Variants in HPCAL1 observed in about 807,000 individuals in gnomAD.
HPCAL1 encodes the protein hippocalcin like 1.
A neutral mutation model predicts 17.1 loss-of-function variants in HPCAL1; 8 were observed. The ratio of observed to expected loss-of-function variants is 0.47; its 90% CI spans 0.27 to 0.84. HPCAL1 has a LOEUF of 0.84. Ranked by LOEUF, HPCAL1 falls within the 40% of genes least tolerant of loss-of-function variation. HPCAL1 has a pLI of 0.13. For synonymous variants in HPCAL1, 112 were observed against 111.4 expected (o/e 1.01, Z -0.03); for missense variants, 165 against 271.1 (o/e 0.61, Z 2.75).
intron 1 of HPCAL1, among the ~76,000 whole-genome samples, chr2:10,316,539 A>C (rs1363733297): frequency 6.6e-6 from 1 of 152,188 alleles, no homozygotes; most frequent in Admixed American, 6.5e-5. Flanking sequence ...CTTCCCTCCA[A>C]AGGCTTCTTA....
At chr2:10,317,983 C>A (rs1663427574) in intron 1 of HPCAL1, among the ~76,000 whole-genome samples, 1 of 152,202 alleles carries the variant, frequency 6.6e-6, no homozygotes, top group African/African-American at 2.4e-5. Flanking sequence ...ACAATAACAT[C>A]ATCTGTTTTT....
At chr2:10,348,609 A>AT (rs1335267703) in intron 1 of HPCAL1, among the ~76,000 whole-genome samples, 13 of 145,382 alleles carry the variant, frequency 8.9e-5, no homozygotes, top group African/African-American at 3.3e-4. Flanking sequence ...ACAAAAAAAA[A>AT]AAAATATATA....
At position 10,419,712 on chromosome 2, in the gene HPCAL1, C is replaced by G. The variant is rs760567099; in HGVS notation, c.-24-22C>G. The G allele has an allele frequency of 2.5e-6, 4 of 1,574,126 alleles. No homozygotes were observed. In the South Asian group the frequency reaches 4.8e-5, roughly 19 times the overall value. On this transcript the variant is annotated intron_variant, in intron 2 of 4. Transcript: ENST00000307845. This position sits in a 1 kb window ranked among gnomAD's most constrained non-coding sequence, Gnocchi z 5.0. The stretch of plus-strand genomic sequence containing the variant: ...GCTCCGTGGCCGTGGGTGGCGTCCC[C>G]GGCTGACCCCCTGTCTTGCAGGTGT...
intron 1 of HPCAL1, among the ~76,000 whole-genome samples, chr2:10,357,902 A>C (rs1455524775): frequency 6.6e-6 from 1 of 151,422 alleles, no homozygotes; most frequent in East Asian, 1.9e-4. Context: ...AGGGGGCCAC[A>C]CCTGGCCTAC....
Position 10,330,609 on chromosome 2 carries a change from T to A in HPCAL1, c.-111+27432T>A, listed in dbSNP as rs1664304844. 6.6e-6 allele frequency among the ~76,000 whole-genome samples: 1 copy of A among 152,124 alleles called. No individual in the cohort carries two copies. The highest frequency in any genetic ancestry group is 1.5e-5 in the Non-Finnish European group (1 of 68,014). On this transcript the variant is annotated intron_variant, in intron 1 of 4. Transcript: ENST00000307845. This position sits in a 1 kb window ranked among gnomAD's most constrained non-coding sequence, Gnocchi z 4.2. Reference sequence around the variant, plus strand: ...GTTCTCACACGGCCATCCCTCCGAGTGTGTCTGAGTCCCAGTCTCCTTGTG... The same window carrying A: ...GTTCTCACACGGCCATCCCTCCGAGAGTGTCTGAGTCCCAGTCTCCTTGTG...
At chr2:10,383,094 TG>T (rs1668070604) in intron 1 of HPCAL1, among the ~76,000 whole-genome samples, 1 of 152,212 alleles carries the variant, frequency 6.6e-6, no homozygotes. Context: ...TGAATCTGGC[TG>T]GGCGCGGCGG....
chr2:10,423,140 A>C, intron 4 of HPCAL1, 52 bp downstream of exon 4: 1 of 1,388,636 alleles, frequency 7.2e-7, no homozygotes, highest in East Asian at 2.3e-5. Context: ...TAGGGGCAAA[A>C]CCATGTGGTT....
In HPCAL1 at chr2:10,379,209, G is replaced by A. The variant is rs112963629; in HGVS notation, c.-110-17626G>A. On this transcript the variant is annotated intron_variant, in intron 1 of 4. Transcript: ENST00000307845. ...TCCACCTGGGCCAGTGCGTGATTCC[G>A]AAGACTACATTTGAAGTCCAGCCTT... Among the ~76,000 whole-genome samples the A allele has an allele frequency of 1.6e-3, 248 of 151,946 alleles. 1 individual carries two copies. The highest frequency in any genetic ancestry group is 5.7e-3 in the African/African-American group (235 of 41,434).
intron 1 of HPCAL1, among the ~76,000 whole-genome samples, chr2:10,376,643 G>A (rs1042620777): frequency 6.6e-6 from 1 of 152,018 alleles, no homozygotes; most frequent in South Asian, 2.1e-4. Context: ...TACCATGTTA[G>A]CCAGACTGGT....
intron 3 of HPCAL1, among the ~76,000 whole-genome samples, chr2:10,421,345 C>T (rs947618486): frequency 6.6e-6 from 1 of 152,160 alleles, no homozygotes; most frequent in South Asian, 2.1e-4. Flanking sequence ...CCTAGGTATG[C>T]GAGAGAGAGT....
At chr2:10,338,810 A>G (rs4669573) in intron 1 of HPCAL1, among the ~76,000 whole-genome samples, 70,843 of 152,068 alleles carry the variant, frequency 0.47, 18,195 homozygotes, top group African/African-American at 0.7. Flanking sequence ...TGATAGAGGA[A>G]AAAGCAGAGA....
rs1666380334 is a variant in HPCAL1, at chr2:10,359,328, G to C, written c.-110-37507G>C. Among the ~76,000 whole-genome samples, 1 of 152,172 alleles carries C rather than the reference G, an allele frequency of 6.6e-6. No homozygotes were observed. Among genetic ancestry groups the C allele is most frequent in the Admixed American group, 6.5e-5 (1 of 15,276 alleles). On this transcript the variant is annotated intron_variant, in intron 1 of 4. Coordinates refer to ENST00000307845, the MANE Select transcript of HPCAL1 (RefSeq NM_002149.4). This position sits in a 1 kb window ranked among gnomAD's most constrained non-coding sequence, Gnocchi z 4.1. ...TCTCTGGACCCTGCGGCTGGCATGG[G>C]TTAGTGGCTCCGTGTCACCTGGTTC...
chr2:10,389,778 G>A lies in HPCAL1; in HGVS notation c.-110-7057G>A, dbSNP rs1229115538. 2.6e-5 allele frequency among the ~76,000 whole-genome samples: 4 copies of A among 152,312 alleles called. 1 individual carries two copies. The highest frequency in any genetic ancestry group is 4.1e-4 in the South Asian group (2 of 4,828). Reference sequence around the variant, plus strand: ...TGACTGTACTCCAGTTTCTCTGCCCGTGGAATGTACATGGATGTTTGGATA... The same window carrying A: ...TGACTGTACTCCAGTTTCTCTGCCCATGGAATGTACATGGATGTTTGGATA... On this transcript the variant is annotated intron_variant, in intron 1 of 4. Coordinates refer to ENST00000307845, the MANE Select transcript of HPCAL1 (RefSeq NM_002149.4).
rs1402714140 is a variant in HPCAL1 at position 10,367,115 on chromosome 2, C to A, written c.-110-29720C>A. Among the ~76,000 whole-genome samples the A allele has an allele frequency of 6.6e-6, 1 of 151,956 alleles. No individual in the cohort carries two copies. The highest frequency in any genetic ancestry group is 1.5e-5 in the Non-Finnish European group (1 of 68,008). ...ACCGGGAGGAGCATCTGGTGGAGGA[C>A]CTGGGTGTTCTGTCTGGAGATTTCC... is the stretch of plus-strand genomic sequence containing the variant. On this transcript the variant is annotated intron_variant, in intron 1 of 4. Coordinates refer to ENST00000307845, the MANE Select transcript of HPCAL1 (RefSeq NM_002149.4). The surrounding 1 kb of genome is among the most constrained non-coding windows in gnomAD (Gnocchi z 4.4).
intron 1 of HPCAL1, among the ~76,000 whole-genome samples, chr2:10,358,058 G>A (rs1666286004): frequency 6.6e-6 from 1 of 152,260 alleles, no homozygotes; most frequent in African/African-American, 2.4e-5. Flanking sequence ...AGCAGCCCCG[G>A]TGGAAAGCCT....
rs1031709408 is a variant in HPCAL1, at chr2:10,384,743, G to C, written c.-110-12092G>C. 2.0e-5 allele frequency among the ~76,000 whole-genome samples: 3 copies of C among 152,166 alleles called. No homozygotes were observed. Among genetic ancestry groups the C allele is most frequent in the African/African-American group, 7.2e-5 (3 of 41,442 alleles). ...AAACAGTGCAGTGGCAGCCGGGGCT[G>C]GCACTTTTAAAGAAAGCCTCAAGAC... On this transcript the variant is annotated intron_variant, in intron 1 of 4. Transcript: ENST00000307845. This position sits in a 1 kb window ranked among gnomAD's most constrained non-coding sequence, Gnocchi z 4.4.
chr2:10,379,099 G>A (rs116011653), intron 1 of HPCAL1, among the ~76,000 whole-genome samples: 10,406 of 151,956 alleles, frequency 0.068, 495 homozygotes, highest in South Asian at 0.13. Flanking sequence ...AGGCCAAGAC[G>A]GGCAGATCAC....
intron 1 of HPCAL1, among the ~76,000 whole-genome samples, chr2:10,311,107 C>T (rs1392706891): frequency 1.3e-5 from 2 of 152,192 alleles, no homozygotes; most frequent in African/African-American, 4.8e-5. Flanking sequence ...TCCAGAAAAG[C>T]CCCCAGCTTC....
intron 1 of HPCAL1, among the ~76,000 whole-genome samples, chr2:10,306,102 G>A (rs1662606173): frequency 6.6e-6 from 1 of 152,206 alleles, no homozygotes; most frequent in Non-Finnish European, 1.5e-5. Context: ...TGATAATCCA[G>A]GGTACTAACG....
Sources: gnomAD v4.1 joint callset for allele counts (sites outside exome capture counted in the v4.1 genomes callset) on GRCh38, gnomAD v4.1.1 for gene constraint, Gnocchi (gnomAD v3.1) non-coding constraint, MANE v1.5 for transcripts, NCBI Gene and HGNC (gene_info 2026-07-23, HGNC 2026-07-21) for gene names.